The following RELN variants were observed in gnomAD, a reference collection of about 807,000 sequenced individuals.
RELN encodes the protein reelin.
In RELN, 108 loss-of-function variants were observed where a neutral mutation model predicts 427.6. That is an observed-to-expected ratio of 0.25 (90% CI 0.22 to 0.30). The LOEUF (loss-of-function observed/expected upper bound fraction) is 0.30, where lower values mean the gene tolerates loss of function less well. Ranked by LOEUF, RELN falls within the 10% of genes least tolerant of loss-of-function variation. The pLI is 1.00. For synonymous variants in RELN, 1,524 were observed against 1,513.4 expected, an observed-to-expected ratio of 1.01 and a Z score of -0.16; for missense variants, 3,715 against 4,302.8, an observed-to-expected ratio of 0.86 and a Z score of 3.82.
intron 8 of RELN, among the ~76,000 whole-genome samples, chr7:103,721,895 T>C (rs1790084891): frequency 6.6e-6 from 1 of 152,188 alleles, no homozygotes; most frequent in Admixed American, 6.5e-5. Context: ...GTTAAAAAAA[T>C]TTGTTTTTGT....
intron 52 of RELN, among the ~76,000 whole-genome samples, chr7:103,502,327 C>G (rs917065524): frequency 1.6e-4 from 24 of 152,210 alleles, no homozygotes; most frequent in African/African-American, 5.8e-4. Context: ...TATTCAAAGA[C>G]TCTTTATGTT....
intron 44 of RELN, 64 bp from the exon 45 acceptor site, chr7:103,539,391 C>A: frequency 1.3e-6 from 2 of 1,535,454 alleles, no homozygotes; most frequent in Non-Finnish European, 1.8e-6. Flanking sequence ...AAAGTTCTGC[C>A]TTTTTCGTTT....
intron 2 of RELN, among the ~76,000 whole-genome samples, chr7:103,909,475 C>A (rs575135873): frequency 2.7e-5 from 4 of 150,060 alleles, no homozygotes; most frequent in Admixed American, 6.8e-5. Flanking sequence ...TGAAGTTTTT[C>A]TTAAAATATT....
intron 16 of RELN, among the ~76,000 whole-genome samples, chr7:103,642,349 G>GGT (rs1562936417): frequency 5.3e-5 from 6 of 112,756 alleles, no homozygotes; most frequent in East Asian, 2.5e-4. Context: ...ATTTCATAGT[G>GGT]TTTTTTTTTT....
intron 41 of RELN, 75 bp downstream of exon 41, chr7:103,550,992 T>C: frequency 8.4e-7 from 1 of 1,195,948 alleles, no homozygotes; most frequent in South Asian, 1.3e-5. Context: ...CATGATAAAG[T>C]GGCAAGTGAA....
At chr7:103,793,952 A>T (rs1473694804) in intron 3 of RELN, among the ~76,000 whole-genome samples, 1 of 152,126 alleles carries the variant, frequency 6.6e-6, no homozygotes, top group Non-Finnish European at 1.5e-5. Context: ...CTTTTAGTAG[A>T]GATGGGGTTT....
intron 46 of RELN, among the ~76,000 whole-genome samples, chr7:103,526,710 T>C (rs1197479797): frequency 6.6e-6 from 1 of 152,160 alleles, no homozygotes; most frequent in African/African-American, 2.4e-5. Context: ...CTACATCACT[T>C]ATGTTTATGT....
chr7:103,484,706 T>C (rs992091378), intron 61 of RELN, among the ~76,000 whole-genome samples: 1 of 152,190 alleles, frequency 6.6e-6, no homozygotes, highest in Non-Finnish European at 1.5e-5. Context: ...CTTGTTAGAG[T>C]ATTTCATTTA....
At chr7:103,893,079 T>C (rs1386084217) in intron 2 of RELN, among the ~76,000 whole-genome samples, 1 of 152,034 alleles carries the variant, frequency 6.6e-6, no homozygotes, top group Non-Finnish European at 1.5e-5. Context: ...AGGAGAAAAA[T>C]ACATTGCACA....
At chr7:103,605,886 C>T (rs1199354695) in intron 22 of RELN, among the ~76,000 whole-genome samples, 16 of 152,134 alleles carry the variant, frequency 1.1e-4, no homozygotes. Context: ...CCAGGATTCA[C>T]AGAGACGCAT....
intron 2 of RELN, among the ~76,000 whole-genome samples, chr7:103,860,624 G>A (rs988104255): frequency 2.0e-5 from 3 of 152,098 alleles, no homozygotes; most frequent in Admixed American, 1.3e-4. Context: ...GCTAGAGAAA[G>A]CTGATTGTAC....
At position 103,593,898 on chromosome 7, in the gene RELN, C is replaced by T. The variant is rs1375060387; in HGVS notation, c.3712-16G>A. On this transcript the variant is annotated splice_polypyrimidine_tract_variant and intron_variant, in intron 26 of 64. Transcript: ENST00000428762. ...CATAAAAGTTCTAATAGAAACAATA[C>T]AAATAAAACAAAAGGCAATTTGATA... 6.3e-7 allele frequency: 1 copy of T among 1,588,822 alleles called. No individual in the cohort carries two copies. Among genetic ancestry groups the T allele is most frequent in the South Asian group, 1.1e-5 (1 of 90,528 alleles).
chr7:103,800,881 C>T lies in RELN; in HGVS notation c.474-24254G>A, dbSNP rs141297034. ...TCTACAAAGAACTTAAACAAATTTA[C>T]AAGAAAAAAGCAAACAACCTGATGA... On this transcript the variant is annotated intron_variant, in intron 3 of 64. Coordinates refer to ENST00000428762, the MANE Select transcript of RELN (RefSeq NM_005045.4). Among the ~76,000 whole-genome samples the T allele has an allele frequency of 7.1e-3, 1,075 of 152,190 alleles. 7 individuals carry two copies. Among genetic ancestry groups the T allele is most frequent in the African/African-American group, 0.02 (830 of 41,534 alleles).
Position 103,836,503 on chromosome 7 carries a change from A to G in RELN, c.338-2831T>C, listed in dbSNP as rs190699319. Among the ~76,000 whole-genome samples the G allele has an allele frequency of 2.6e-3, 390 of 152,266 alleles. 13 individuals are homozygous for G. Among genetic ancestry groups the G allele is most frequent in the Admixed American group, 0.025 (375 of 15,302 alleles). On this transcript the variant is annotated intron_variant, in intron 2 of 64. Transcript: ENST00000428762. ...TCACCGGCCTTCAAGAAGACTCTGA[A>G]TAGTTAAGACTCTGAATTTGCCTCT...
In RELN at chr7:103,820,059, T is replaced by C. The variant is rs528445162; in HGVS notation, c.473+13478A>G. On this transcript the variant is annotated intron_variant, in intron 3 of 64. Coordinates refer to ENST00000428762, the MANE Select transcript of RELN (RefSeq NM_005045.4). ...TACAATAATAAAATCTCTATAAAACTATCCATTTCAATGTATCTTTAAAAA... is the reference window on the plus strand; with the variant it reads ...TACAATAATAAAATCTCTATAAAACCATCCATTTCAATGTATCTTTAAAAA... 2.0e-5 allele frequency among the ~76,000 whole-genome samples: 3 copies of C among 152,160 alleles called. No individual in the cohort carries two copies. In the South Asian group the frequency reaches 6.2e-4, roughly 32 times the overall value.
intron 1 of RELN, among the ~76,000 whole-genome samples, chr7:103,925,327 G>A (rs890453842): frequency 6.6e-6 from 1 of 151,736 alleles, no homozygotes; most frequent in African/African-American, 2.4e-5. Flanking sequence ...ATCCACTTTT[G>A]GCCTTTATAA....
chr7:103,865,762 G>A (rs1794183290), intron 2 of RELN, among the ~76,000 whole-genome samples: 1 of 152,036 alleles, frequency 6.6e-6, no homozygotes, highest in Non-Finnish European at 1.5e-5. Context: ...TACAATAAAG[G>A]CAACATATAA....
intron 19 of RELN, 90 bp from the exon 20 acceptor site, chr7:103,630,266 G>A (rs1285253615): frequency 3.4e-6 from 3 of 886,114 alleles, no homozygotes; most frequent in African/African-American, 3.4e-5. Flanking sequence ...CTGAAGTATA[G>A]TATTAAAGAA....
chr7:103,510,558 C>T (rs994949063), intron 51 of RELN, among the ~76,000 whole-genome samples: 11 of 152,016 alleles, frequency 7.2e-5, no homozygotes, highest in Non-Finnish European at 4.4e-5. Context: ...TGCAGCAAAC[C>T]ACCATGCCAC....
Sources: gnomAD v4.1 joint callset for allele counts (sites outside exome capture counted in the v4.1 genomes callset) on GRCh38, gnomAD v4.1.1 for gene constraint, MANE v1.5 for transcripts, NCBI Gene and HGNC (gene_info 2026-07-23, HGNC 2026-07-21) for gene names.